FAM168A: variants seen among roughly 807,000 people sequenced by gnomAD.
The protein encoded by FAM168A is protein FAM168A.
Under a neutral mutation model 28.5 loss-of-function variants are expected in FAM168A, and 3 were observed. The ratio of observed to expected loss-of-function variants is 0.11; its 90% CI spans 0.05 to 0.27. The LOEUF (loss-of-function observed/expected upper bound fraction) is 0.27, where lower values mean the gene tolerates loss of function less well. Among genes scored for constraint, FAM168A ranks in the 10% least tolerant of loss-of-function variants. The pLI is 1.00. For missense variants in FAM168A, 222 were observed against 311.5 expected (o/e 0.71, Z 2.16); for synonymous variants, 122 against 124.2 (o/e 0.98, Z 0.12).
chr11:73,428,268 C>T (rs192804218), intron 3 of FAM168A, among the ~76,000 whole-genome samples: 1 of 152,312 alleles, frequency 6.6e-6, no homozygotes, highest in East Asian at 1.9e-4. Flanking sequence ...CCACTTGCAC[C>T]TTCCTATCAG....
intron 1 of FAM168A, among the ~76,000 whole-genome samples, chr11:73,544,637 T>C (rs1217818256): frequency 2.1e-5 from 3 of 141,114 alleles, no homozygotes; most frequent in African/African-American, 8.0e-5. Context: ...TGAATGAACC[T>C]TGAAAAAATA....
chr11:73,488,471 T>G (rs1043064486), intron 1 of FAM168A, among the ~76,000 whole-genome samples: 9 of 152,192 alleles, frequency 5.9e-5, no homozygotes, highest in Non-Finnish European at 1.3e-4. Flanking sequence ...CATTCTATAT[T>G]TGCCTCGTCC....
chr11:73,513,193 T>G lies in FAM168A; in HGVS notation c.-18-44701A>C, dbSNP rs992739882. 4.1e-5 allele frequency among the ~76,000 whole-genome samples: 6 copies of G among 145,946 alleles called. No homozygotes were observed. The East Asian group carries it at 6.0e-4, about 15-fold the overall frequency. On this transcript the variant is annotated intron_variant, in intron 1 of 7. Transcript: ENST00000356467. The stretch of plus-strand genomic sequence containing the variant: ...GTCTCACTTCCAGGTCAAAGTTTTG[T>G]TTTTTTTTTTAATTTTTTTTTTTTT...
chr11:73,499,134 T>C lies in FAM168A; in HGVS notation c.-18-30642A>G, dbSNP rs113539452. ...GGCTGGTGCCCCTCAAGGTCAGAGG[T>C]CCCAGAAGAAGGAGCAGGAACCCAT... On this transcript the variant is annotated intron_variant, in intron 1 of 7. Coordinates refer to ENST00000356467, the MANE Select transcript of FAM168A (RefSeq NM_015159.3). Among the ~76,000 whole-genome samples the C allele has an allele frequency of 7.2e-3, 1,084 of 150,506 alleles. 13 individuals are homozygous for C. Among genetic ancestry groups the C allele is most frequent in the African/African-American group, 0.023 (948 of 40,902 alleles).
At chr11:73,457,723 CAAAAAAAAAA>C (rs58142151) in intron 2 of FAM168A, among the ~76,000 whole-genome samples, 180 of 37,548 alleles carry the variant, frequency 4.8e-3, no homozygotes, top group South Asian at 0.026. Flanking sequence ...GCCTGGGTGA[CAAAAAAAAAA>C]AAAAAAAAAA....
chr11:73,468,069 T>TC, intron 2 of FAM168A, among the ~76,000 whole-genome samples: 1 of 152,358 alleles, frequency 6.6e-6, no homozygotes, highest in East Asian at 1.9e-4. Context: ...GTAGCATTTT[T>TC]TAAAAAAATT....
chr11:73,572,366 T>C (rs1260235726), intron 1 of FAM168A, among the ~76,000 whole-genome samples: 1 of 152,166 alleles, frequency 6.6e-6, no homozygotes, highest in Non-Finnish European at 1.5e-5. Context: ...CCACCCCGTC[T>C]GGGAGGTGTA....
chr11:73,562,739 T>C (rs1451887892), intron 1 of FAM168A, among the ~76,000 whole-genome samples: 1 of 152,074 alleles, frequency 6.6e-6, no homozygotes, highest in Non-Finnish European at 1.5e-5. Context: ...GACAGGAGGA[T>C]TGCTTGAACC....
intron 1 of FAM168A, among the ~76,000 whole-genome samples, chr11:73,479,935 A>G (rs1035367209): frequency 2.0e-5 from 3 of 152,104 alleles, no homozygotes; most frequent in Non-Finnish European, 4.4e-5. Flanking sequence ...CTTTAAGAAA[A>G]CTCCATTTCA....
At chr11:73,409,800 A>G (rs1417650640) in intron 5 of FAM168A, 139 bp from the exon 6 acceptor site, 6 of 802,014 alleles carry the variant, frequency 7.5e-6, no homozygotes, top group Non-Finnish European at 1.2e-5. Context: ...TGGTCAGTGC[A>G]GTGCTGGGCT....
chr11:73,594,320 G>A (rs930431259), intron 1 of FAM168A, among the ~76,000 whole-genome samples: 1 of 150,054 alleles, frequency 6.7e-6, no homozygotes, highest in South Asian at 2.1e-4. Context: ...CACTGGTCTC[G>A]AACTCCTAGG....
intron 1 of FAM168A, among the ~76,000 whole-genome samples, chr11:73,493,002 A>C (rs1210758313): frequency 1.3e-5 from 2 of 152,228 alleles, no homozygotes; most frequent in Non-Finnish European, 2.9e-5. Flanking sequence ...AAAGATGGCA[A>C]CAACAGACCT....
chr11:73,446,168 C>G (rs570061609), intron 2 of FAM168A, among the ~76,000 whole-genome samples: 1 of 152,266 alleles, frequency 6.6e-6, no homozygotes, highest in Admixed American at 6.5e-5. Flanking sequence ...CTCATCTTAA[C>G]AGCTGAGTAA....
chr11:73,454,958 G>A (rs1004894866), intron 2 of FAM168A, among the ~76,000 whole-genome samples: 4 of 152,190 alleles, frequency 2.6e-5, no homozygotes, highest in East Asian at 1.9e-4. Flanking sequence ...TGGGAGCCAC[G>A]AGTGTGGATA....
chr11:73,493,992 A>T (rs1854813501), intron 1 of FAM168A, among the ~76,000 whole-genome samples: 1 of 152,174 alleles, frequency 6.6e-6, no homozygotes, highest in Non-Finnish European at 1.5e-5. Flanking sequence ...TGTTTATGCA[A>T]CTGCTTCCCT....
chr11:73,457,263 C>T (rs1176587857), intron 2 of FAM168A, among the ~76,000 whole-genome samples: 1 of 150,812 alleles, frequency 6.6e-6, no homozygotes, highest in Non-Finnish European at 1.5e-5. Flanking sequence ...GTGATGTACA[C>T]CTGTAGTTCC....
At chr11:73,487,161 G>A (rs553633738) in intron 1 of FAM168A, among the ~76,000 whole-genome samples, 50 of 151,974 alleles carry the variant, frequency 3.3e-4, no homozygotes, top group African/African-American at 1.1e-3. Context: ...ATGTGGCTCT[G>A]TACATTCCAT....
At chr11:73,513,339 A>G (rs995226748) in intron 1 of FAM168A, among the ~76,000 whole-genome samples, 1 of 150,290 alleles carries the variant, frequency 6.7e-6, no homozygotes, top group African/African-American at 2.5e-5. Context: ...CCTCCCGAGT[A>G]GCTGGGACTA....
chr11:73,462,059 T>C (rs1380347133), intron 2 of FAM168A, among the ~76,000 whole-genome samples: 3 of 152,042 alleles, frequency 2.0e-5, no homozygotes, highest in Non-Finnish European at 4.4e-5. Flanking sequence ...AGTATGGCAG[T>C]TCCTCAAAAA....
Sources: gnomAD v4.1 joint callset for allele counts (sites outside exome capture counted in the v4.1 genomes callset) on GRCh38, gnomAD v4.1.1 for gene constraint, MANE v1.5 for transcripts, NCBI Gene and HGNC (gene_info 2026-07-23, HGNC 2026-07-21) for gene names.